Variants in ABCC9 observed in about 807,000 individuals in gnomAD.
ABCC9 encodes ATP-binding cassette sub-family C member 9.
ABCC9 carries 95 observed loss-of-function variants against 188.3 expected under a neutral mutation model. The observed-to-expected ratio is 0.50, with a 90% confidence interval of 0.43 to 0.60. The LOEUF (loss-of-function observed/expected upper bound fraction) is 0.60, where lower values mean the gene tolerates loss of function less well. Among genes scored for constraint, ABCC9 ranks in the 20% least tolerant of loss-of-function variants. The pLI is 0.00. For missense variants in ABCC9, 1,102 were observed against 1,876.3 expected, an observed-to-expected ratio of 0.59 and a Z score of 7.62; for synonymous variants, 659 against 652.7, an observed-to-expected ratio of 1.01 and a Z score of -0.15.
rs757855454 is a variant in ABCC9 at position 21,852,373 on chromosome 12, C to A, written c.2638G>T (p.Asp880Tyr). Reference sequence around the variant, plus strand: ...ATTCTCTTCTAAACTCTTACCCAGTCAGCATGCGTCAGATACTGTAATTTG... The same window carrying A: ...ATTCTCTTCTAAACTCTTACCCAGTAAGCATGCGTCAGATACTGTAATTTG... Reference protein sequence around the residue: ...THKLQYLTHADWIIAMKDGSV... With the variant: ...THKLQYLTHAYWIIAMKDGSV... The change falls in exon 23 of 40, where the codon GAC becomes TAC. Residue 880 changes from aspartate to tyrosine, a missense_variant. By Grantham distance (160) the Asp-to-Tyr change is radical (BLOSUM62 -3). This residue lies in a region of ABCC9 where 131 missense variants were observed against 170.2 expected (regional missense o/e 0.77). Coordinates refer to ENST00000261200, the MANE Select transcript of ABCC9 (RefSeq NM_020297.4). 1.2e-6 allele frequency: 2 copies of A among 1,613,942 alleles called. No homozygotes were observed. The highest frequency in any genetic ancestry group is 1.7e-6 in the Non-Finnish European group (2 of 1,179,982).
chr12:21,797,604 T>A lies in ABCC9; in HGVS notation c.*3440A>T, dbSNP rs763342592. The A allele has an allele frequency of 3.3e-5, 5 of 152,132 alleles. No individual in the cohort carries two copies. Among genetic ancestry groups the A allele is most frequent in the African/African-American group, 9.7e-5 (4 of 41,422 alleles). 9.4% of individuals were successfully genotyped at this position (152,132 alleles called of 1,614,324 possible). On this transcript the variant is annotated 3_prime_UTR_variant, in exon 40 of 40. Coordinates refer to ENST00000261200, the MANE Select transcript of ABCC9 (RefSeq NM_020297.4). ...ATCAGTGAATCAATCAACCCTACTG[T>A]GGGTTAGGCACTTGTATTAAATTCC...
intron 7 of ABCC9, among the ~76,000 whole-genome samples, 156 bp downstream of exon 7, chr12:21,915,512 A>ATTTTTTTTTTTTT (rs1254915972): frequency 5.3e-3 from 2 of 380 alleles, no homozygotes; most frequent in Non-Finnish European, 0.016. Context: ...ATATATATAT[A>ATTTTTTTTTTTTT]TATTTTTTTT....
chr12:21,930,376 C>CTA (rs1949233314), intron 4 of ABCC9, among the ~76,000 whole-genome samples: 1 of 152,078 alleles, frequency 6.6e-6, no homozygotes, highest in African/African-American at 2.4e-5. Flanking sequence ...ATAAACAGAT[C>CTA]TATATAGCAC....
chr12:21,857,222 A>G (rs1444442286), intron 22 of ABCC9, among the ~76,000 whole-genome samples: 3 of 152,330 alleles, frequency 2.0e-5, no homozygotes, highest in Admixed American at 6.5e-5. Flanking sequence ...TCAAAGGGAC[A>G]CTTATATAAA....
chr12:21,854,440 G>A (rs1038783335), intron 22 of ABCC9, among the ~76,000 whole-genome samples: 4 of 152,224 alleles, frequency 2.6e-5, no homozygotes, highest in Admixed American at 6.5e-5. Context: ...GCTGGATATT[G>A]TAATTGTGAA....
chr12:21,910,281 G>T lies in ABCC9; in HGVS notation c.1196C>A (p.Ser399Tyr). The T allele has an allele frequency of 6.2e-7, 1 of 1,600,216 alleles. No individual in the cohort carries two copies. ...CTCCCCCATGGATAAGTTAGACGTAGAGAGCCTAAGGATTTTATTATAAAT... is the reference window on the plus strand; with the variant it reads ...CTCCCCCATGGATAAGTTAGACGTATAGAGCCTAAGGATTTTATTATAAAT... ...AMIYNKILRLSTSNLSMGEMT... is the reference protein window; with the variant it reads ...AMIYNKILRLYTSNLSMGEMT... Residue 399 changes from serine to tyrosine, a missense_variant, in exon 10 of 40, where the codon TCT (serine) becomes TAT (tyrosine). This residue lies in a region of ABCC9 where 305 missense variants were observed against 573.0 expected (regional missense o/e 0.53). Coordinates refer to ENST00000261200, the MANE Select transcript of ABCC9 (RefSeq NM_020297.4).
At chr12:21,928,451 AGGG>A (rs1949138434) in intron 4 of ABCC9, among the ~76,000 whole-genome samples, 1 of 148,814 alleles carries the variant, frequency 6.7e-6, no homozygotes, top group African/African-American at 2.5e-5. Context: ...AAAAGAAGGG[AGGG>A]AGGAAGAAAG....
chr12:21,911,906 T>C (rs537538164), intron 8 of ABCC9, among the ~76,000 whole-genome samples: 4 of 37,010 alleles, frequency 1.1e-4, no homozygotes, highest in African/African-American at 2.8e-4. Context: ...TGAACACTAA[T>C]GTATGCAAGG....
chr12:21,863,654 C>T (rs957489746), intron 19 of ABCC9, among the ~76,000 whole-genome samples: 3 of 151,998 alleles, frequency 2.0e-5, no homozygotes, highest in African/African-American at 4.8e-5. Context: ...AAAATAACTA[C>T]CTCCCCCCTT....
Position 21,938,581 on chromosome 12 carries a change from C to T in ABCC9, c.-20-1887G>A, listed in dbSNP as rs555510742. On this transcript the variant is annotated intron_variant, in intron 2 of 39. Transcript: ENST00000261200. Reference sequence around the variant, plus strand: ...AAATGATAAAAAGAAAACTTAAAGCCCACTCTTAATTGAAAGACATATATA... The same window carrying T: ...AAATGATAAAAAGAAAACTTAAAGCTCACTCTTAATTGAAAGACATATATA... Among the ~76,000 whole-genome samples, 5 of 152,070 alleles carry T rather than the reference C, an allele frequency of 3.3e-5. No homozygotes were observed. The East Asian group carries it at 9.6e-4, about 29-fold the overall frequency.
intron 4 of ABCC9, among the ~76,000 whole-genome samples, chr12:21,930,803 A>G (rs1949252910): frequency 6.6e-6 from 1 of 152,180 alleles, no homozygotes; most frequent in African/African-American, 2.4e-5. Context: ...CTATTTGGCC[A>G]TGAAAAAACT....
At chr12:21,911,350 A>G (rs1382566147) in intron 8 of ABCC9, among the ~76,000 whole-genome samples, 2 of 152,000 alleles carry the variant, frequency 1.3e-5, no homozygotes, top group East Asian at 1.9e-4. Context: ...AATGGAAGAC[A>G]TATACAATTT....
intron 7 of ABCC9, among the ~76,000 whole-genome samples, chr12:21,913,739 T>C (rs950079501): frequency 6.6e-6 from 1 of 152,186 alleles, no homozygotes; most frequent in Non-Finnish European, 1.5e-5. Flanking sequence ...TTGTTTGTTG[T>C]AAATAAAATT....
intron 30 of ABCC9, among the ~76,000 whole-genome samples, chr12:21,836,211 T>C (rs1322390243): frequency 6.6e-6 from 1 of 152,190 alleles, no homozygotes; most frequent in South Asian, 2.1e-4. Flanking sequence ...CCCAGAGTTA[T>C]TGTGATGAAC....
Position 21,814,530 on chromosome 12 carries a change from G to C in ABCC9, c.4102+114C>G, listed in dbSNP as rs565989226. 4.7e-6 allele frequency: 4 copies of C among 857,638 alleles called. No homozygotes were observed. The Admixed American group carries it at 7.7e-5, about 16-fold the overall frequency. The allele number at this position is 857,638 out of a possible 1,614,324, so 53.1% of individuals were successfully genotyped here. On this transcript the variant is annotated intron_variant, in intron 35 of 39. Transcript: ENST00000261200. ...GGATATCTGCCTTGAACCATGTGTA[G>C]AGCACAAAGTCCTTATAAATATTTG...
At position 21,936,573 on chromosome 12, in the gene ABCC9, A is replaced by G. The variant is rs778139798; in HGVS notation, c.102T>C (p.His34=). The G allele has an allele frequency of 2.5e-6, 4 of 1,613,214 alleles. No individual in the cohort carries two copies. In the South Asian group the frequency reaches 3.3e-5, roughly 13 times the overall value. The part of the protein sequence containing the change: ...CFVDALNLVP[H]VFLLFITFPI... ...GAAAAGTGATAAACAACAGAAAGAC[A>G]TGAGGGACCAGGTTGAGGGCATCCA... The change falls in exon 3 of 40, where the codon CAT becomes CAC. Residue 34 remains histidine (H), a synonymous_variant. Coordinates refer to ENST00000261200, the MANE Select transcript of ABCC9 (RefSeq NM_020297.4).
intron 22 of ABCC9, among the ~76,000 whole-genome samples, chr12:21,856,485 C>A (rs1260920043): frequency 7.1e-6 from 1 of 140,680 alleles, no homozygotes; most frequent in Non-Finnish European, 1.5e-5. Flanking sequence ...AGCACATTTG[C>A]AGATGCAATG....
At chr12:21,935,468 T>C (rs1321127260) in intron 3 of ABCC9, among the ~76,000 whole-genome samples, 1 of 152,164 alleles carries the variant, frequency 6.6e-6, no homozygotes, top group Non-Finnish European at 1.5e-5. Context: ...ATCCTCTCAA[T>C]TGATATTTGT....
chr12:21,814,586 AT>A, intron 35 of ABCC9, 57 bp downstream of exon 35: 2 of 1,376,698 alleles, frequency 1.5e-6, no homozygotes, highest in South Asian at 2.3e-5. Flanking sequence ...AGGTAAATTG[AT>A]GTTTTTTTAA....
Sources: gnomAD v4.1 joint callset for allele counts (sites outside exome capture counted in the v4.1 genomes callset) on GRCh38, gnomAD v4.1.1 for gene constraint, gnomAD v4.1.1 regional missense constraint, MANE v1.5 for transcripts, NCBI Gene and HGNC (gene_info 2026-07-23, HGNC 2026-07-21) for gene names.